The following DLG2 variants were observed in gnomAD, a reference collection of about 807,000 sequenced individuals.
The protein encoded by DLG2 is discs large MAGUK scaffold protein 2.
DLG2 carries 45 observed loss-of-function variants against 132.5 expected under a neutral mutation model. The ratio of observed to expected loss-of-function variants is 0.34; its 90% confidence interval spans 0.27 to 0.44. The LOEUF is 0.44. Ranked by LOEUF, DLG2 falls within the 20% of genes least tolerant of loss-of-function variation. DLG2 has a pLI of 1.00. For synonymous variants in DLG2, 424 were observed against 419.6 expected, an observed-to-expected ratio of 1.01 and a Z score of -0.13; for missense variants, 1,045 against 1,196.9, an observed-to-expected ratio of 0.87 and a Z score of 1.87.
intron 11 of DLG2, among the ~76,000 whole-genome samples, chr11:83,985,402 C>T (rs1351010771): frequency 6.6e-6 from 1 of 151,916 alleles, no homozygotes; most frequent in African/African-American, 2.4e-5. Flanking sequence ...CCAGGTTTGT[C>T]ACATTGGTAA....
At chr11:83,607,084 G>A (rs1195748334) in intron 19 of DLG2, among the ~76,000 whole-genome samples, 7 of 152,196 alleles carry the variant, frequency 4.6e-5, no homozygotes, top group Non-Finnish European at 8.8e-5. Context: ...TTACAGACAG[G>A]AAAAGGAAAG....
At chr11:83,573,066 C>T (rs2096824316) in intron 19 of DLG2, among the ~76,000 whole-genome samples, 1 of 152,120 alleles carries the variant, frequency 6.6e-6, no homozygotes, top group African/African-American at 2.4e-5. Context: ...CTTTTTTACT[C>T]CTTTTTTCCC....
At chr11:85,069,054 G>T (rs4402316) in intron 6 of DLG2, among the ~76,000 whole-genome samples, 5 of 151,230 alleles carry the variant, frequency 3.3e-5, no homozygotes, top group Non-Finnish European at 5.9e-5. Flanking sequence ...AATGGGGAAA[G>T]GATTCCCTAT....
intron 3 of DLG2, among the ~76,000 whole-genome samples, chr11:85,425,687 C>G (rs542300757): frequency 1.2e-4 from 18 of 152,208 alleles, no homozygotes; most frequent in African/African-American, 4.3e-4. Context: ...AGGAACAGCT[C>G]CACTCTACAG....
chr11:85,191,162 G>GCGCGCACACACA (rs34410192), intron 4 of DLG2, among the ~76,000 whole-genome samples: 1 of 139,842 alleles, frequency 7.2e-6, no homozygotes, highest in African/African-American at 2.8e-5. Flanking sequence ...GCGCACGCGC[G>GCGCGCACACACA]CACACACACA....
chr11:84,450,667 T>C (rs868270336), intron 7 of DLG2, among the ~76,000 whole-genome samples: 1 of 151,846 alleles, frequency 6.6e-6, no homozygotes, highest in South Asian at 2.1e-4. Flanking sequence ...ACATTATTTC[T>C]TAATGTCCTA....
At chr11:85,281,876 A>C (rs2078248430) in intron 4 of DLG2, among the ~76,000 whole-genome samples, 1 of 151,968 alleles carries the variant, frequency 6.6e-6, no homozygotes, top group South Asian at 2.1e-4. Context: ...TAAAATAAAG[A>C]AATTCAGTAT....
intron 6 of DLG2, among the ~76,000 whole-genome samples, chr11:85,030,342 C>T (rs1592960125): frequency 1.3e-5 from 2 of 152,294 alleles, no homozygotes; most frequent in East Asian, 3.9e-4. Context: ...AGCTGACTCA[C>T]TAATTTCTTA....
chr11:84,798,163 A>AC (rs1194790832), intron 6 of DLG2, among the ~76,000 whole-genome samples: 2 of 152,104 alleles, frequency 1.3e-5, no homozygotes, highest in African/African-American at 4.8e-5. Flanking sequence ...GACCACTGTA[A>AC]CCACTGCTTG....
At chr11:85,152,244 A>ATTTTT (rs200542714) in intron 5 of DLG2, among the ~76,000 whole-genome samples, 1 of 145,838 alleles carries the variant, frequency 6.9e-6, no homozygotes. Context: ...TTATTTATTA[A>ATTTTT]TTTTTTTTTT....
intron 2 of DLG2, among the ~76,000 whole-genome samples, chr11:85,605,709 T>TA (rs756713768): frequency 2.6e-5 from 4 of 152,212 alleles, no homozygotes; most frequent in Non-Finnish European, 5.9e-5. Context: ...CTGGGAGCGG[T>TA]GGCTCACGCC....
At chr11:84,744,036 T>C (rs1176887329) in intron 6 of DLG2, among the ~76,000 whole-genome samples, 1 of 152,088 alleles carries the variant, frequency 6.6e-6, no homozygotes, top group Non-Finnish European at 1.5e-5. Context: ...AAACAGAAGT[T>C]TCATATGGTT....
chr11:84,594,166 A>G (rs887331755), intron 6 of DLG2, among the ~76,000 whole-genome samples: 2 of 152,166 alleles, frequency 1.3e-5, no homozygotes, highest in African/African-American at 4.8e-5. Flanking sequence ...AATGAAACAT[A>G]GGGGAGGGAG....
intron 7 of DLG2, among the ~76,000 whole-genome samples, chr11:84,393,780 C>A (rs1351173167): frequency 6.6e-6 from 1 of 152,024 alleles, no homozygotes; most frequent in Admixed American, 6.6e-5. Flanking sequence ...GAAATTATAA[C>A]GTTTACTTAT....
intron 15 of DLG2, among the ~76,000 whole-genome samples, chr11:83,882,011 T>G (rs2066401835): frequency 6.6e-6 from 1 of 152,156 alleles, no homozygotes; most frequent in African/African-American, 2.4e-5. Flanking sequence ...TTTCACTTAG[T>G]TCACTTTTAA....
chr11:84,193,881 T>G (rs1199592230), intron 8 of DLG2, among the ~76,000 whole-genome samples: 1 of 152,202 alleles, frequency 6.6e-6, no homozygotes, highest in Non-Finnish European at 1.5e-5. Flanking sequence ...GCAAGGGGTG[T>G]TGTTGTTTCA....
intron 20 of DLG2, among the ~76,000 whole-genome samples, chr11:83,533,026 A>G (rs2095796112): frequency 7.8e-6 from 1 of 128,276 alleles, no homozygotes; most frequent in Admixed American, 7.5e-5. Context: ...TGTAAGCAAC[A>G]GAGAGGTAGA....
intron 8 of DLG2, among the ~76,000 whole-genome samples, chr11:84,164,780 TC>T (rs1431406411): frequency 6.6e-6 from 1 of 152,236 alleles, no homozygotes; most frequent in Non-Finnish European, 1.5e-5. Flanking sequence ...CTTAGGTGTG[TC>T]CACCACCCAC....
intron 6 of DLG2, among the ~76,000 whole-genome samples, chr11:85,064,926 C>T (rs1381475089): frequency 4.0e-5 from 6 of 151,476 alleles, no homozygotes; most frequent in Non-Finnish European, 7.4e-5. Flanking sequence ...CCCCACCCCA[C>T]GTTTGACAAG....
Sources: allele counts gnomAD v4.1 joint callset (sites outside exome capture counted in the v4.1 genomes callset), GRCh38; gene constraint gnomAD v4.1.1; transcripts MANE v1.5; gene names NCBI Gene and HGNC (gene_info 2026-07-23, HGNC 2026-07-21).